Variants in SAE1 observed in about 807,000 individuals in gnomAD.
The protein encoded by SAE1 is SUMO-activating enzyme subunit 1.
Under a neutral mutation model 40.6 loss-of-function variants are expected in SAE1, and 11 were observed. The observed-to-expected ratio is 0.27, with a 90% CI of 0.17 to 0.45. The LOEUF is 0.45. SAE1 is among the 20% of genes least tolerant of loss of function. The pLI is 1.00. For synonymous variants in SAE1, 155 were observed against 154.3 expected, an observed-to-expected ratio of 1.00 and a Z score of -0.03; for missense variants, 373 against 427.3, an observed-to-expected ratio of 0.87 and a Z score of 1.12.
chr19:47,176,831 T>A (rs933609568), intron 6 of SAE1, among the ~76,000 whole-genome samples: 1 of 152,232 alleles, frequency 6.6e-6, no homozygotes, highest in Admixed American at 6.5e-5. Flanking sequence ...GCAAAAGGTC[T>A]CTTCTTTTTA....
intron 6 of SAE1, among the ~76,000 whole-genome samples, chr19:47,194,312 CTGA>C (rs1409354446): frequency 6.6e-6 from 1 of 152,180 alleles, no homozygotes; most frequent in African/African-American, 2.4e-5. Context: ...AAGTGTGACT[CTGA>C]TGCTTCAGTC....
intron 6 of SAE1, among the ~76,000 whole-genome samples, chr19:47,178,599 A>C (rs1055964318): frequency 1.3e-5 from 2 of 152,104 alleles, no homozygotes; most frequent in Non-Finnish European, 2.9e-5. Flanking sequence ...TCAGCCTCCA[A>C]GTAGTGGGGA....
At chr19:47,190,034 T>C (rs534681433) in intron 6 of SAE1, among the ~76,000 whole-genome samples, 1 of 152,314 alleles carries the variant, frequency 6.6e-6, no homozygotes, top group Non-Finnish European at 1.5e-5. Flanking sequence ...AAACCGTGCT[T>C]GGTTTCTCTT....
chr19:47,150,425 G>A (rs1180311642), intron 3 of SAE1, 50 bp downstream of exon 3: 8 of 1,439,552 alleles, frequency 5.6e-6, no homozygotes, highest in Non-Finnish European at 7.6e-6. Flanking sequence ...AAATTAAGGT[G>A]CTAGTTGTAT....
chr19:47,177,066 A>G (rs1025567846), intron 6 of SAE1, among the ~76,000 whole-genome samples: 4 of 152,232 alleles, frequency 2.6e-5, no homozygotes, highest in African/African-American at 9.6e-5. Flanking sequence ...AGATGAGAAT[A>G]CTTATCAGAG....
At chr19:47,131,077 ATTCTG>A (rs995923406) in intron 1 of SAE1, 49 bp downstream of exon 1, 1 of 1,473,318 alleles carries the variant, frequency 6.8e-7, no homozygotes, top group Admixed American at 2.8e-5. Context: ...GGGGGCGTCT[ATTCTG>A]AGGCGTTTGC....
At chr19:47,150,455 C>T in intron 3 of SAE1, 80 bp downstream of exon 3, 2 of 1,111,866 alleles carry the variant, frequency 1.8e-6, no homozygotes, top group Non-Finnish European at 1.3e-6. Flanking sequence ...AATCCCAAAG[C>T]AATCTGAGAG....
In SAE1 at chr19:47,174,025, C is replaced by G. The variant is rs529475296; in HGVS notation, c.733+4102C>G. ...GGTCTCGAACTCCTGACCTCGTGAT[C>G]CACCCGCCTCGGCCTCCCAAAGTGC... On this transcript the variant is annotated intron_variant, in intron 6 of 8. Transcript: ENST00000270225. Among the ~76,000 whole-genome samples, 4 of 152,156 alleles carry G rather than the reference C, an allele frequency of 2.6e-5. 1 individual carries two copies. In the South Asian group the frequency reaches 8.3e-4, roughly 32 times the overall value.
At position 47,209,492 on chromosome 19, in the gene SAE1, G is replaced by A. The variant is rs1202928765; in HGVS notation, c.*241G>A. The A allele has an allele frequency of 2.4e-5, 15 of 616,914 alleles. No homozygotes were observed. The highest frequency in any genetic ancestry group is 5.6e-5 in the African/African-American group (3 of 53,888). 38.2% of individuals were successfully genotyped at this position (616,914 alleles called of 1,614,324 possible). On this transcript the variant is annotated 3_prime_UTR_variant, in exon 9 of 9. Transcript: ENST00000270225. The stretch of plus-strand genomic sequence containing the variant: ...CACTGTTCAGGCTGCCTGTCATCCC[G>A]GGCCTGCCAGCTCCCCTGAGTGATG...
rs2058296435 is a variant in SAE1, at chr19:47,152,942, C to T, written c.429C>T (p.Asp143=). ...CCSRDVIVKV[D]QICHKNSIKF... ...CCAGGGATGTCATAGTTAAAGTTGA[C>T]CAGATCTGTCACAAAAATAGCATCA... Residue 143 remains aspartate, a synonymous_variant, in exon 4 of 9, where the codon GAC becomes GAT. Transcript: ENST00000270225. 1 of 1,612,118 alleles carries T rather than the reference C, an allele frequency of 6.2e-7. No homozygotes were observed. The highest frequency in any genetic ancestry group is 8.5e-7 in the Non-Finnish European group (1 of 1,179,810).
At chr19:47,199,904 T>G (rs1287537331) in intron 7 of SAE1, among the ~76,000 whole-genome samples, 1 of 151,906 alleles carries the variant, frequency 6.6e-6, no homozygotes, top group African/African-American at 2.4e-5. Context: ...AAAGGCACCT[T>G]GTAAACTGCT....
chr19:47,208,945 G>A (rs753077577), intron 8 of SAE1, among the ~76,000 whole-genome samples: 1 of 152,168 alleles, frequency 6.6e-6, no homozygotes, highest in Non-Finnish European at 1.5e-5. Context: ...TGTTTGGAGA[G>A]GTTAAATAAT....
At chr19:47,136,768 G>C (rs966711195) in intron 1 of SAE1, among the ~76,000 whole-genome samples, 3 of 152,298 alleles carry the variant, frequency 2.0e-5, no homozygotes, top group Middle Eastern at 6.8e-3. Flanking sequence ...GGGATTACAG[G>C]CATGAGCCAC....
chr19:47,166,387 T>G (rs2058392492), intron 5 of SAE1, among the ~76,000 whole-genome samples: 2 of 152,174 alleles, frequency 1.3e-5, no homozygotes, highest in African/African-American at 4.8e-5. Flanking sequence ...GAAGGCGAGT[T>G]TGTCAAGACA....
intron 6 of SAE1, among the ~76,000 whole-genome samples, chr19:47,174,714 AG>A (rs2058457809): frequency 6.6e-6 from 1 of 151,844 alleles, no homozygotes; most frequent in African/African-American, 2.4e-5. Context: ...CTGGGACTAC[AG>A]GTGCCCGCCA....
intron 6 of SAE1, among the ~76,000 whole-genome samples, chr19:47,172,132 T>C (rs542240718): frequency 2.1e-4 from 32 of 152,300 alleles, no homozygotes; most frequent in Admixed American, 1.9e-3. Flanking sequence ...TTGGCCAGGC[T>C]GGCCTCAAAC....
intron 5 of SAE1, among the ~76,000 whole-genome samples, chr19:47,162,638 G>T (rs1183075356): frequency 6.6e-6 from 1 of 152,134 alleles, no homozygotes; most frequent in Non-Finnish European, 1.5e-5. Context: ...AGGACCTGGG[G>T]ATTATATTCA....
Position 47,130,841 on chromosome 19 carries a change from G to A in SAE1, c.-90G>A, listed in dbSNP as rs1400575344. 9.1e-6 allele frequency: 14 copies of A among 1,539,386 alleles called. No individual in the cohort carries two copies. The highest frequency in any genetic ancestry group is 7.3e-5 in the South Asian group (6 of 82,504). On this transcript the variant is annotated 5_prime_UTR_variant, in exon 1 of 9. Transcript: ENST00000270225. ...TCTGCGCATGCGCAGAAGCACTCCG[G>A]GCGTGCTGCCGGCGGCGGTAGGTGG...
Position 47,208,385 on chromosome 19 carries a change from G to A in SAE1, c.949-774G>A, listed in dbSNP as rs140954935. Among the ~76,000 whole-genome samples, 207 of 150,930 alleles carry A rather than the reference G, an allele frequency of 1.4e-3. 1 individual carries two copies. Among genetic ancestry groups the A allele is most frequent in the Non-Finnish European group, 1.1e-3 (73 of 67,606 alleles). ...AGCGATCCTCCCACCTCAGCCTCCC[G>A]AGTAGCTGGCACCTTGGGCATGCAT... On this transcript the variant is annotated intron_variant, in intron 8 of 8. Coordinates refer to ENST00000270225, the MANE Select transcript of SAE1 (RefSeq NM_005500.3).
Sources: allele counts gnomAD v4.1 joint callset (sites outside exome capture counted in the v4.1 genomes callset), GRCh38; gene constraint gnomAD v4.1.1; transcripts MANE v1.5; gene names NCBI Gene and HGNC (gene_info 2026-07-23, HGNC 2026-07-21).